Variants in BAZ2B observed in about 807,000 individuals in gnomAD.
The protein encoded by BAZ2B is bromodomain adjacent to zinc finger domain 2B.
BAZ2B carries 91 observed loss-of-function variants against 246.0 expected under a neutral mutation model. That is an observed-to-expected ratio of 0.37 (90% confidence interval 0.31 to 0.44). The LOEUF (loss-of-function observed/expected upper bound fraction) is 0.44, where lower values mean the gene tolerates loss of function less well. Ranked by LOEUF, BAZ2B falls within the 20% of genes least tolerant of loss-of-function variation. BAZ2B has a pLI of 1.00. For missense variants in BAZ2B, 2,332 were observed against 2,533.7 expected, an observed-to-expected ratio of 0.92 and a Z score of 1.71; for synonymous variants, 855 against 860.0, an observed-to-expected ratio of 0.99 and a Z score of 0.10.
chr2:159,634,015 CAGGTGTG>C, the BAZ2B span, among the ~76,000 whole-genome samples: 2 of 152,164 alleles, frequency 1.3e-5, no homozygotes, highest in African/African-American at 2.4e-5. Flanking sequence ...GCTGGGATTA[CAGGTGTG>C]AGCCACCGTG....
At chr2:159,711,823 A>G in the BAZ2B span, 2 of 152,222 alleles carry the variant, frequency 1.3e-5, no homozygotes, top group Non-Finnish European at 1.5e-5. Context: ...CTTTCTAAAT[A>G]GGTGAATTTG....
intron 2 of BAZ2B, among the ~76,000 whole-genome samples, chr2:159,552,157 A>G (rs2088351774): frequency 6.6e-6 from 1 of 152,110 alleles, no homozygotes; most frequent in African/African-American, 2.4e-5. Flanking sequence ...TCTATAGTTC[A>G]TTTTGGTTTT....
At chr2:159,428,482 A>G (rs1457073446) in intron 11 of BAZ2B, 63 bp from the exon 12 acceptor site, 2 of 1,319,472 alleles carry the variant, frequency 1.5e-6, no homozygotes, top group African/African-American at 3.0e-5. Flanking sequence ...TAAAAATTAA[A>G]AATAAGTTAA....
chr2:159,406,989 C>T (rs527276057), intron 14 of BAZ2B, among the ~76,000 whole-genome samples: 19 of 151,918 alleles, frequency 1.3e-4, no homozygotes, highest in African/African-American at 4.6e-4. Context: ...CTCCTGACCT[C>T]GTGATTCACC....
chr2:159,503,771 G>C (rs914291126), intron 2 of BAZ2B, among the ~76,000 whole-genome samples: 2 of 152,028 alleles, frequency 1.3e-5, no homozygotes, highest in Non-Finnish European at 2.9e-5. Context: ...AGTAGAGACA[G>C]GGTTTCACCA....
chr2:159,456,159 T>C (rs905438863), intron 3 of BAZ2B, among the ~76,000 whole-genome samples: 1 of 151,940 alleles, frequency 6.6e-6, no homozygotes, highest in Non-Finnish European at 1.5e-5. Flanking sequence ...ATATTAAATA[T>C]TACAAAAATC....
intron 1 of BAZ2B, among the ~76,000 whole-genome samples, chr2:159,583,451 T>C (rs72960251): frequency 0.062 from 9,402 of 152,234 alleles, 371 homozygotes; most frequent in Non-Finnish European, 0.089. Flanking sequence ...GCAAACATCA[T>C]GCAAGTCATG....
chr2:159,554,186 T>C (rs907133956), intron 2 of BAZ2B, among the ~76,000 whole-genome samples: 1 of 152,172 alleles, frequency 6.6e-6, no homozygotes, highest in Non-Finnish European at 1.5e-5. Context: ...TGGATTTAGA[T>C]CAGTTGCAAT....
chr2:159,625,134 A>T, the BAZ2B span, among the ~76,000 whole-genome samples: 3 of 152,100 alleles, frequency 2.0e-5, no homozygotes, highest in African/African-American at 7.2e-5. Flanking sequence ...TAGAGAAAAA[A>T]GAACGAAAAG....
chr2:159,397,040 G>A lies in BAZ2B; in HGVS notation c.3009+305C>T, dbSNP rs1051439308. ...CCATATCACAACCAAATCACAATGC[G>A]GTGTTAGATGTACAAAAATAAACAT... is the stretch of plus-strand genomic sequence containing the variant. On this transcript the variant is annotated intron_variant, in intron 19 of 36. Coordinates refer to ENST00000392783, the MANE Select transcript of BAZ2B (RefSeq NM_013450.4). The A allele has an allele frequency of 1.1e-4, 149 of 1,342,756 alleles. No homozygotes were observed. The East Asian group carries it at 2.2e-3, about 20-fold the overall frequency. 83.2% of individuals were successfully genotyped at this position (1,342,756 alleles called of 1,614,324 possible). A position where few individuals can be genotyped will look rare whatever the true frequency, so the allele number is the denominator to read the frequency against.
the BAZ2B span, among the ~76,000 whole-genome samples, chr2:159,682,413 A>C: frequency 5.9e-5 from 9 of 152,130 alleles, no homozygotes; most frequent in African/African-American, 2.2e-4. Context: ...TCCCAGGCTC[A>C]AGTGATCTTC....
chr2:159,348,666 T>C lies in BAZ2B; in HGVS notation c.5293+12A>G. On this transcript the variant is annotated intron_variant, in intron 30 of 36. Transcript: ENST00000392783. ...GCAAGAAAGAAAGCTGAAATATCTTTTAGGTACACACCATCCTTATTCTTG... is the reference window on the plus strand; with the variant it reads ...GCAAGAAAGAAAGCTGAAATATCTTCTAGGTACACACCATCCTTATTCTTG... 6.3e-7 allele frequency: 1 copy of C among 1,579,880 alleles called. No homozygotes were observed.
At chr2:159,385,026 A>G (rs2062463126) in intron 23 of BAZ2B, 129 bp downstream of exon 23, 1 of 940,978 alleles carries the variant, frequency 1.1e-6, no homozygotes, top group African/African-American at 1.7e-5. Flanking sequence ...TACTGAGATA[A>G]GTACAATTTT....
intron 2 of BAZ2B, among the ~76,000 whole-genome samples, chr2:159,532,878 G>A (rs1222947802): frequency 1.3e-5 from 2 of 152,120 alleles, no homozygotes; most frequent in Admixed American, 1.3e-4. Context: ...CTCCAAGAAT[G>A]TGCAACATTA....
chr2:159,560,507 T>C (rs1559776254), intron 1 of BAZ2B, among the ~76,000 whole-genome samples: 1 of 152,168 alleles, frequency 6.6e-6, no homozygotes, highest in African/African-American at 2.4e-5. Flanking sequence ...TTAAGGACTG[T>C]CATTCTCTTT....
At chr2:159,691,085 C>T in the BAZ2B span, among the ~76,000 whole-genome samples, 3 of 152,002 alleles carry the variant, frequency 2.0e-5, no homozygotes, top group African/African-American at 7.3e-5. Flanking sequence ...TAAGAAAATA[C>T]CCATCAATTC....
chr2:159,361,644 A>G (rs2059701035), intron 27 of BAZ2B, among the ~76,000 whole-genome samples: 1 of 152,212 alleles, frequency 6.6e-6, no homozygotes, highest in Non-Finnish European at 1.5e-5. Context: ...TACTATAAAG[A>G]CACATGCACA....
chr2:159,689,667 T>C, the BAZ2B span: 297,213 of 319,540 alleles, frequency 0.93, 138,454 homozygotes, highest in African/African-American at 0.97. Context: ...CCACTGTTCC[T>C]GGCCAGCATT....
the BAZ2B span, among the ~76,000 whole-genome samples, chr2:159,700,441 TTTTG>T: frequency 0.4 from 60,945 of 151,568 alleles, 12,739 homozygotes; most frequent in African/African-American, 0.5. Context: ...AATTGTATTC[TTTTG>T]TTTGTTTGTT....
Sources: allele counts gnomAD v4.1 joint callset (sites outside exome capture counted in the v4.1 genomes callset), GRCh38; gene constraint gnomAD v4.1.1; transcripts MANE v1.5; gene names NCBI Gene and HGNC (gene_info 2026-07-23, HGNC 2026-07-21).